Variants in TRAPPC9 observed in about 807,000 individuals in gnomAD.
TRAPPC9 encodes the protein IKK2 binding protein.
Under a neutral mutation model 124.0 loss-of-function variants are expected in TRAPPC9, and 83 were observed. That is an observed-to-expected ratio of 0.67 (90% CI 0.56 to 0.80). TRAPPC9 has a LOEUF of 0.80. TRAPPC9 is among the 30% of genes least tolerant of loss of function. The pLI, the probability that TRAPPC9 is intolerant of heterozygous loss-of-function variation, is 0.00. For missense variants in TRAPPC9, 1,302 were observed against 1,508.3 expected, an observed-to-expected ratio of 0.86 and a Z score of 2.27; for synonymous variants, 638 against 617.5, an observed-to-expected ratio of 1.03 and a Z score of -0.49.
chr8:140,414,231 A>T (rs1035526681), intron 5 of TRAPPC9, among the ~76,000 whole-genome samples: 18 of 152,274 alleles, frequency 1.2e-4, no homozygotes, highest in Non-Finnish European at 2.4e-4. Flanking sequence ...AGAAATTTTT[A>T]AAAAATAAAA....
At chr8:139,982,363 T>G (rs1249939231) in intron 19 of TRAPPC9, among the ~76,000 whole-genome samples, 1 of 152,198 alleles carries the variant, frequency 6.6e-6, no homozygotes, top group Non-Finnish European at 1.5e-5. Context: ...ACTGACTGCA[T>G]GCCCCTGGTG....
intron 17 of TRAPPC9, among the ~76,000 whole-genome samples, chr8:140,125,541 C>T (rs1016348150): frequency 3.5e-4 from 51 of 147,620 alleles, no homozygotes; most frequent in African/African-American, 1.2e-3. Context: ...CTGTGGGTGA[C>T]GGGAACATTC....
At chr8:140,184,764 T>C (rs962686014) in intron 17 of TRAPPC9, among the ~76,000 whole-genome samples, 1 of 152,108 alleles carries the variant, frequency 6.6e-6, no homozygotes, top group Non-Finnish European at 1.5e-5. Context: ...GTAAAACACA[T>C]ATACAGAAAA....
intron 17 of TRAPPC9, among the ~76,000 whole-genome samples, chr8:140,187,392 G>A (rs146277841): frequency 2.4e-4 from 36 of 152,224 alleles, no homozygotes; most frequent in African/African-American, 8.2e-4. Context: ...AAAATTTGGG[G>A]TTTTCGGAGT....
At chr8:140,311,404 T>C (rs182384441) in intron 9 of TRAPPC9, 30 bp from the exon 10 acceptor site, 69 of 1,610,878 alleles carry the variant, frequency 4.3e-5, no homozygotes, top group Non-Finnish European at 5.3e-5. Context: ...AAAATAAAGA[T>C]GTATTAGGCA....
chr8:140,089,813 C>T (rs1055606393), intron 17 of TRAPPC9, among the ~76,000 whole-genome samples: 5 of 151,926 alleles, frequency 3.3e-5, no homozygotes, highest in African/African-American at 4.8e-5. Context: ...GGTGTGGTGG[C>T]TCACACCTGT....
intron 19 of TRAPPC9, among the ~76,000 whole-genome samples, chr8:139,952,322 CAGA>C (rs1834691903): frequency 6.6e-6 from 1 of 152,168 alleles, no homozygotes. Context: ...ATTATTGTCA[CAGA>C]AGAAGGGTCA....
chr8:139,932,555 G>C (rs1402150997), intron 19 of TRAPPC9: 6 of 454,968 alleles, frequency 1.3e-5, no homozygotes, highest in South Asian at 9.3e-5. Context: ...CTGAGCTCAG[G>C]AGTTCGAGAC....
At chr8:139,938,548 G>T (rs1467154702) in intron 19 of TRAPPC9, among the ~76,000 whole-genome samples, 1 of 151,948 alleles carries the variant, frequency 6.6e-6, no homozygotes. Flanking sequence ...GCCTCCCAAA[G>T]TGCTGGGATT....
At chr8:140,271,261 A>G (rs1012946396) in intron 15 of TRAPPC9, among the ~76,000 whole-genome samples, 4 of 152,248 alleles carry the variant, frequency 2.6e-5, no homozygotes, top group South Asian at 4.1e-4. Flanking sequence ...TGGGTAGGAA[A>G]GCATGAAATT....
intron 17 of TRAPPC9, among the ~76,000 whole-genome samples, chr8:140,206,855 T>C (rs919263212): frequency 6.6e-6 from 1 of 152,080 alleles, no homozygotes; most frequent in African/African-American, 2.4e-5. Context: ...CTGCGCCTTT[T>C]TGCCTGCCTC....
intron 19 of TRAPPC9, among the ~76,000 whole-genome samples, chr8:139,945,654 A>G (rs1053491887): frequency 1.3e-5 from 2 of 151,952 alleles, no homozygotes; most frequent in African/African-American, 4.8e-5. Flanking sequence ...ACAGCACTAC[A>G]GCAAACAACT....
intron 2 of TRAPPC9, among the ~76,000 whole-genome samples, chr8:140,445,009 G>A (rs2071190386): frequency 1.3e-5 from 2 of 152,114 alleles, no homozygotes; most frequent in African/African-American, 4.8e-5. Context: ...TTTCAACACA[G>A]GCTACATACT....
intron 9 of TRAPPC9, among the ~76,000 whole-genome samples, chr8:140,334,017 A>C (rs2066966841): frequency 6.6e-6 from 1 of 152,210 alleles, no homozygotes; most frequent in African/African-American, 2.4e-5. Flanking sequence ...CCTTACCAAA[A>C]AAGTGCCATT....
intron 21 of TRAPPC9, among the ~76,000 whole-genome samples, chr8:139,748,465 G>A (rs1450968166): frequency 4.6e-5 from 6 of 130,390 alleles, no homozygotes; most frequent in South Asian, 2.5e-4. Flanking sequence ...AAGATGCAGG[G>A]GGTACACACA....
In TRAPPC9 at chr8:139,742,379, C is replaced by T. The variant is rs1396819349; in HGVS notation, c.3056-10177G>A. On this transcript the variant is annotated intron_variant, in intron 21 of 22. Coordinates refer to ENST00000438773, the MANE Select transcript of TRAPPC9 (RefSeq NM_001160372.4). The surrounding 1 kb of genome is among the most constrained non-coding windows in gnomAD (Gnocchi z 4.7). ...TCTGTGCAGTCCTCTTTGCTTGCAA[C>T]GTCCATAAGCCATGAGAACCCTCCA... Among the ~76,000 whole-genome samples the T allele has an allele frequency of 1.3e-5, 2 of 152,230 alleles. No homozygotes were observed. The highest frequency in any genetic ancestry group is 1.9e-4 in the East Asian group (1 of 5,200).
At chr8:140,209,703 T>G (rs529365672) in intron 17 of TRAPPC9, among the ~76,000 whole-genome samples, 7 of 152,206 alleles carry the variant, frequency 4.6e-5, no homozygotes, top group Non-Finnish European at 7.3e-5. Flanking sequence ...GAAACTTAAC[T>G]CCTTACAATA....
chr8:140,087,659 G>A lies in TRAPPC9; in HGVS notation c.2557-63580C>T, dbSNP rs1459427297. Among the ~76,000 whole-genome samples the A allele has an allele frequency of 2.0e-5, 3 of 152,000 alleles. No individual in the cohort carries two copies. The highest frequency in any genetic ancestry group is 4.4e-5 in the Non-Finnish European group (3 of 67,998). ...ACTGTCGCCAACCTCCTCTGCTGCC[G>A]CCCTCATCCAAGCCACTGTCATCGC... On this transcript the variant is annotated intron_variant, in intron 17 of 22. Coordinates refer to ENST00000438773, the MANE Select transcript of TRAPPC9 (RefSeq NM_001160372.4). The surrounding 1 kb of genome is among the most constrained non-coding windows in gnomAD (Gnocchi z 4.6).
intron 8 of TRAPPC9, among the ~76,000 whole-genome samples, chr8:140,370,496 T>C (rs2068251263): frequency 6.6e-6 from 1 of 152,212 alleles, no homozygotes; most frequent in African/African-American, 2.4e-5. Context: ...GGCATTATCC[T>C]TGTACATATT....
Sources: allele counts gnomAD v4.1 joint callset (sites outside exome capture counted in the v4.1 genomes callset), GRCh38; gene constraint gnomAD v4.1.1; non-coding constraint Gnocchi (gnomAD v3.1); transcripts MANE v1.5; gene names NCBI Gene and HGNC (gene_info 2026-07-23, HGNC 2026-07-21).